The following FBLN7 variants were observed in gnomAD, a reference collection of about 807,000 sequenced individuals.
The protein encoded by FBLN7 is fibulin 7.
In FBLN7, 31 loss-of-function variants were observed where a neutral mutation model predicts 44.0. The observed-to-expected ratio is 0.70, with a 90% CI of 0.53 to 0.95. The LOEUF (loss-of-function observed/expected upper bound fraction) is 0.95, where lower values mean the gene tolerates loss of function less well. Among genes scored for constraint, FBLN7 ranks in the 40% least tolerant of loss-of-function variants. The pLI, the probability that FBLN7 is intolerant of heterozygous loss-of-function variation, is 0.00. For synonymous variants in FBLN7, 262 were observed against 253.4 expected, an observed-to-expected ratio of 1.03 and a Z score of -0.32; for missense variants, 573 against 618.5, an observed-to-expected ratio of 0.93 and a Z score of 0.78.
chr2:112,180,658 C>T (rs1435804798), intron 4 of FBLN7, among the ~76,000 whole-genome samples: 8 of 152,110 alleles, frequency 5.3e-5, no homozygotes, highest in Non-Finnish European at 8.8e-5. Flanking sequence ...TGGTGGCTCA[C>T]GCCTGTAATT....
At chr2:112,160,100 C>T (rs571804587) in intron 2 of FBLN7, among the ~76,000 whole-genome samples, 11 of 152,286 alleles carry the variant, frequency 7.2e-5, no homozygotes, top group Admixed American at 5.2e-4. Context: ...ACGCCATTCT[C>T]CTGCCTCAGC....
the FBLN7 span, among the ~76,000 whole-genome samples, chr2:112,218,245 T>C: frequency 6.6e-6 from 1 of 152,184 alleles, no homozygotes; most frequent in Non-Finnish European, 1.5e-5. Flanking sequence ...TTGTTACTGC[T>C]TCATCAAGGA....
chr2:112,243,675 G>T, the FBLN7 span, among the ~76,000 whole-genome samples: 3 of 152,078 alleles, frequency 2.0e-5, no homozygotes, highest in Admixed American at 1.3e-4. Flanking sequence ...GTGGAAACTT[G>T]TTTTCTCTCC....
At chr2:112,226,755 C>G in the FBLN7 span, among the ~76,000 whole-genome samples, 1 of 151,902 alleles carries the variant, frequency 6.6e-6, no homozygotes, top group Non-Finnish European at 1.5e-5. Flanking sequence ...AAAAAGACAT[C>G]ACAAGAAAAG....
At chr2:112,185,161 G>A (rs1436554070) in intron 6 of FBLN7, 40 bp from the exon 7 acceptor site, 15 of 1,592,048 alleles carry the variant, frequency 9.4e-6, no homozygotes, top group Non-Finnish European at 1.1e-5. Context: ...TGGAGGGAAG[G>A]TCAGGGCGAT....
At chr2:112,161,583 T>G (rs1161558746) in intron 2 of FBLN7, among the ~76,000 whole-genome samples, 2 of 152,228 alleles carry the variant, frequency 1.3e-5, no homozygotes, top group Non-Finnish European at 2.9e-5. Flanking sequence ...CTTCCTTGTT[T>G]TCATGGGGTC....
chr2:112,181,454 C>T (rs558900428), intron 4 of FBLN7, among the ~76,000 whole-genome samples: 3 of 152,152 alleles, frequency 2.0e-5, no homozygotes, highest in Non-Finnish European at 4.4e-5. Flanking sequence ...TAAGTGAAGA[C>T]GTGGATTTGC....
the FBLN7 span, among the ~76,000 whole-genome samples, chr2:112,196,374 C>CTTTT: frequency 2.8e-3 from 180 of 63,258 alleles, no homozygotes; most frequent in Non-Finnish European, 4.2e-3. Flanking sequence ...TCTTCTTCTT[C>CTTTT]TTTTTTTTTT....
At chr2:112,151,986 C>T (rs1357279439) in intron 1 of FBLN7, 1 of 152,222 alleles carries the variant, frequency 6.6e-6, no homozygotes, top group African/African-American at 2.4e-5. Flanking sequence ...AAGAGATTGT[C>T]TTTGGCTCAT....
chr2:112,172,891 C>G (rs1353659068), intron 3 of FBLN7, among the ~76,000 whole-genome samples: 1 of 152,150 alleles, frequency 6.6e-6, no homozygotes, highest in Non-Finnish European at 1.5e-5. Flanking sequence ...GCCTCAACCT[C>G]CCAAAGTGCT....
rs1009600196 is a variant in FBLN7 at position 112,187,954 on chromosome 2, G to A, written c.*448G>A. On this transcript the variant is annotated 3_prime_UTR_variant, in exon 8 of 8. Coordinates refer to ENST00000331203, the MANE Select transcript of FBLN7 (RefSeq NM_153214.3). The surrounding 1 kb of genome is among the most constrained non-coding windows in gnomAD (Gnocchi z 5.1). ...CGGGGGGCCCTAGTCATGCCTCTGCGCATGTGGCATAGGAAGTGGAGTCTC... is the reference window on the plus strand; with the variant it reads ...CGGGGGGCCCTAGTCATGCCTCTGCACATGTGGCATAGGAAGTGGAGTCTC... 5.0e-5 allele frequency: 10 copies of A among 201,036 alleles called. No individual in the cohort carries two copies. Among genetic ancestry groups the A allele is most frequent in the African/African-American group, 1.2e-4 (5 of 42,860 alleles). The allele number at this position is 201,036 out of a possible 1,614,324, so 12.5% of individuals were successfully genotyped here. A position where few individuals can be genotyped will look rare whatever the true frequency, so the allele number is the denominator to read the frequency against.
chr2:112,167,895 G>GTTATGTTATC (rs1682250804), intron 3 of FBLN7, among the ~76,000 whole-genome samples: 6 of 151,528 alleles, frequency 4.0e-5, no homozygotes, highest in African/African-American at 1.5e-4. Context: ...GTTATGTTAT[G>GTTATGTTATC]TTATGTTATG....
chr2:112,213,599 AC>A, the FBLN7 span: 1 of 151,056 alleles, frequency 6.6e-6, no homozygotes, highest in South Asian at 2.1e-4. Context: ...ATACAGTGAA[AC>A]CCAGTCTCTA....
At chr2:112,160,758 ACGCACGCACACGCAGACG>A in intron 2 of FBLN7, among the ~76,000 whole-genome samples, 1 of 53,108 alleles carries the variant, frequency 1.9e-5, no homozygotes, top group Non-Finnish European at 4.2e-5. Context: ...GCACGCACAC[ACGCACGCACACGCAGACG>A]CACACGCACG....
chr2:112,194,488 C>G, the FBLN7 span, among the ~76,000 whole-genome samples: 16 of 152,078 alleles, frequency 1.1e-4, no homozygotes, highest in African/African-American at 3.9e-4. Context: ...CACAGTGGCT[C>G]GTGTTACTAG....
At position 112,182,814 on chromosome 2, in the gene FBLN7, G is replaced by A. The variant is rs750741970; in HGVS notation, c.694G>A (p.Gly232Arg). Residue 232 changes from glycine to arginine, a missense_variant, in exon 6 of 8, where the codon GGG becomes AGG. Transcript: ENST00000331203. ...CQDVNECELY[G>R]QEGRPRLCMH... ...AGACGTGAACGAGTGTGAGCTCTACGGGCAGGAGGGGCGCCCCCGGCTCTG... is the reference window on the plus strand; with the variant it reads ...AGACGTGAACGAGTGTGAGCTCTACAGGCAGGAGGGGCGCCCCCGGCTCTG... The A allele has an allele frequency of 1.9e-6, 3 of 1,609,072 alleles. No individual in the cohort carries two copies. Among genetic ancestry groups the A allele is most frequent in the South Asian group, 1.1e-5 (1 of 89,794 alleles).
the FBLN7 span, chr2:112,230,600 G>A: frequency 5.7e-6 from 1 of 175,526 alleles, no homozygotes. Context: ...GTATGATACA[G>A]TCTGATAAAA....
At chr2:112,164,503 C>T (rs1048951834) in intron 2 of FBLN7, among the ~76,000 whole-genome samples, 3 of 152,026 alleles carry the variant, frequency 2.0e-5, no homozygotes, top group Non-Finnish European at 4.4e-5. Flanking sequence ...CCAGGGAACA[C>T]GCGGGGAGGT....
intron 3 of FBLN7, among the ~76,000 whole-genome samples, chr2:112,172,633 T>G (rs1434156752): frequency 1.5e-5 from 2 of 134,306 alleles, no homozygotes; most frequent in South Asian, 5.1e-4. Flanking sequence ...CTTTCTTTTT[T>G]TTTTTTTTTT....
Sources: allele counts gnomAD v4.1 joint callset (sites outside exome capture counted in the v4.1 genomes callset), GRCh38; gene constraint gnomAD v4.1.1; non-coding constraint Gnocchi (gnomAD v3.1); transcripts MANE v1.5; gene names NCBI Gene and HGNC (gene_info 2026-07-23, HGNC 2026-07-21).